The following TJP3 variants were observed in gnomAD, a reference collection of about 807,000 sequenced individuals.
The protein encoded by TJP3 is tight junction protein ZO-3.
A neutral mutation model predicts 104.2 loss-of-function variants in TJP3; 85 were observed. The observed-to-expected ratio is 0.82, with a 90% CI of 0.68 to 0.98. The LOEUF (loss-of-function observed/expected upper bound fraction) is 0.98. Among genes scored for constraint, TJP3 ranks in the 50% least tolerant of loss-of-function variants. The probability of loss-of-function intolerance (pLI) is 0.00; values close to 1 mark genes in which losing one functional copy is unlikely to be tolerated. For synonymous variants in TJP3, 550 were observed against 550.6 expected, an observed-to-expected ratio of 1.00 and a Z score of 0.02; for missense variants, 1,367 against 1,322.8, an observed-to-expected ratio of 1.03 and a Z score of -0.52.
At chr19:3,745,131 G>GTTTTTTTT (rs2036869010) in intron 15 of TJP3, among the ~76,000 whole-genome samples, 1 of 80,320 alleles carries the variant, frequency 1.2e-5, no homozygotes, top group African/African-American at 4.9e-5. Flanking sequence ...CAAATTTTAT[G>GTTTTTTTT]TCTTTTTTTT....
At chr19:3,722,975 G>T (rs1170209171) in intron 1 of TJP3, among the ~76,000 whole-genome samples, 1 of 149,418 alleles carries the variant, frequency 6.7e-6, no homozygotes, top group African/African-American at 2.5e-5. Flanking sequence ...GTCCAGCCCT[G>T]GGCGGGGGGC....
In TJP3 at chr19:3,735,922, A is replaced by T; in HGVS notation, c.1114A>T (p.Met372Leu). Residue 372 changes from methionine (M) to leucine (L), a missense_variant, in exon 10 of 21, where the codon ATG becomes TTG. By Grantham distance (15) the Met-to-Leu change is conservative (BLOSUM62 2). Coordinates refer to ENST00000541714, the MANE Select transcript of TJP3 (RefSeq NM_001267560.2). Reference sequence around the variant, plus strand: ...CTACAGAGTGCCCAGCAGTCAGAGCATGGAGGATCGTGGGTATGTACCCCA... The same window carrying T: ...CTACAGAGTGCCCAGCAGTCAGAGCTTGGAGGATCGTGGGTATGTACCCCA... ...DIYRVPSSQS[M>L]EDRGYSPDTR... 6.2e-7 allele frequency: 1 copy of T among 1,614,186 alleles called. No homozygotes were observed. Among genetic ancestry groups the T allele is most frequent in the South Asian group, 1.1e-5 (1 of 91,086 alleles).
At chr19:3,714,934 A>T (rs1316042902) in intron 1 of TJP3, among the ~76,000 whole-genome samples, 1 of 152,198 alleles carries the variant, frequency 6.6e-6, no homozygotes, top group Non-Finnish European at 1.5e-5. Flanking sequence ...AGTTTTGTTG[A>T]CTGAGTGACT....
chr19:3,719,691 G>A (rs549927175), intron 1 of TJP3, among the ~76,000 whole-genome samples: 2 of 147,300 alleles, frequency 1.4e-5, no homozygotes, highest in African/African-American at 2.5e-5. Context: ...AGCCGAGATC[G>A]TGCCTGCAGT....
chr19:3,711,898 C>T (rs2036437898), intron 1 of TJP3, among the ~76,000 whole-genome samples: 1 of 152,024 alleles, frequency 6.6e-6, no homozygotes, highest in Non-Finnish European at 1.5e-5. Flanking sequence ...GTTGGCCGGC[C>T]TGGTCTCGAG....
chr19:3,742,961 T>C (rs1420780012), intron 14 of TJP3, among the ~76,000 whole-genome samples: 1 of 140,566 alleles, frequency 7.1e-6, no homozygotes, highest in Admixed American at 7.2e-5. Context: ...AGCAAGACTC[T>C]GTCTCAAAAA....
intron 1 of TJP3, among the ~76,000 whole-genome samples, chr19:3,709,572 T>C (rs576588536): frequency 3.3e-5 from 5 of 152,216 alleles, no homozygotes; most frequent in East Asian, 1.9e-4. Flanking sequence ...AAGTGTCCGA[T>C]TGCATCTCAA....
rs1246542008 is a variant in TJP3 at position 3,748,093 on chromosome 19, A to C, written c.2610+12A>C. ...ATCAGGGGGCCCAGGTGCGTCGGACATGGGGGGCAGGCCTGGGAAGGGTCT... is the reference window on the plus strand; with the variant it reads ...ATCAGGGGGCCCAGGTGCGTCGGACCTGGGGGGCAGGCCTGGGAAGGGTCT... On this transcript the variant is annotated intron_variant, in intron 19 of 20. Transcript: ENST00000541714. 3 of 1,542,736 alleles carry C rather than the reference A, an allele frequency of 1.9e-6. No homozygotes were observed. Among genetic ancestry groups the C allele is most frequent in the Non-Finnish European group, 2.6e-6 (3 of 1,141,848 alleles).
Position 3,735,570 on chromosome 19 carries a change from A to C in TJP3, c.991A>C (p.Ser331Arg). 1 of 1,614,114 alleles carries C rather than the reference A, an allele frequency of 6.2e-7. No individual in the cohort carries two copies. Among genetic ancestry groups the C allele is most frequent in the Middle Eastern group, 1.6e-4 (1 of 6,062 alleles). The change falls in exon 9 of 21, where the codon AGT becomes CGT. Residue 331 changes from serine (S) to arginine (R), a missense_variant. Physicochemically the swap from Ser to Arg is moderately radical, Grantham distance 110. Coordinates refer to ENST00000541714, the MANE Select transcript of TJP3 (RefSeq NM_001267560.2). ...TCCCAATCTGTTCCCCACCAGGGAG[A>C]GTCCCCGGCTTCGGCGGGAAAGTTC... ...EASQTDSPVE[S>R]PRLRRESSVD... is the part of the protein sequence containing the mutation.
intron 1 of TJP3, among the ~76,000 whole-genome samples, chr19:3,725,537 C>T (rs540010442): frequency 6.6e-6 from 1 of 152,032 alleles, no homozygotes; most frequent in African/African-American, 2.4e-5. Flanking sequence ...ACTAAAAATA[C>T]AAAAAGTAGC....
At chr19:3,728,743 G>C in intron 3 of TJP3, 30 bp downstream of exon 3, 1 of 1,608,744 alleles carries the variant, frequency 6.2e-7, no homozygotes, top group Non-Finnish European at 8.5e-7. Flanking sequence ...GGTTCTGGCG[G>C]GGGAGGGCAC....
At chr19:3,739,373 C>G (rs985271485) in intron 13 of TJP3, among the ~76,000 whole-genome samples, 1 of 152,168 alleles carries the variant, frequency 6.6e-6, no homozygotes, top group African/African-American at 2.4e-5. Flanking sequence ...GCCTATAATC[C>G]CAGCTTCTTG....
Position 3,747,838 on chromosome 19 carries a change from C to T in TJP3, c.2367C>T (p.Gly789=). The change falls in exon 19 of 21, where the codon GGC becomes GGT. Residue 789 remains glycine, a synonymous_variant. Transcript: ENST00000541714. ...LEDNLDLPHH[G]LADSSADLSC... ...ACAACCTAGACCTCCCTCACCACGGCCTGGCCGACAGCTCCGCTGACCTCA... is the reference window on the plus strand; with the variant it reads ...ACAACCTAGACCTCCCTCACCACGGTCTGGCCGACAGCTCCGCTGACCTCA... 6.2e-7 allele frequency: 1 copy of T among 1,609,292 alleles called. No homozygotes were observed. The highest frequency in any genetic ancestry group is 8.5e-7 in the Non-Finnish European group (1 of 1,179,368).
chr19:3,739,473 A>G (rs613451), intron 13 of TJP3, among the ~76,000 whole-genome samples: 55,842 of 152,012 alleles, frequency 0.37, 10,533 homozygotes, highest in African/African-American at 0.42. Context: ...CTGGCAACAG[A>G]GTGAGACTCT....
chr19:3,718,398 A>C (rs999357566), intron 1 of TJP3, among the ~76,000 whole-genome samples: 5 of 150,464 alleles, frequency 3.3e-5, no homozygotes, highest in Non-Finnish European at 7.4e-5. Context: ...TCTTATTTTA[A>C]AGACGCTGAA....
At chr19:3,727,081 T>C (rs1178692434) in intron 1 of TJP3, among the ~76,000 whole-genome samples, 1 of 141,718 alleles carries the variant, frequency 7.1e-6, no homozygotes, top group African/African-American at 2.6e-5. Context: ...AGACCCTGTC[T>C]AAAAAAAAAA....
intron 11 of TJP3, among the ~76,000 whole-genome samples, chr19:3,737,576 A>G (rs2036753390): frequency 6.6e-6 from 1 of 151,334 alleles, no homozygotes; most frequent in South Asian, 2.1e-4. Context: ...TCTCATCCCC[A>G]GGCTGTCTCC....
At chr19:3,750,064 T>G (rs1214370931) in intron 19 of TJP3, 74 bp from the exon 20 acceptor site, 8 of 1,592,552 alleles carry the variant, frequency 5.0e-6, no homozygotes, top group African/African-American at 1.3e-5. Context: ...GGGGATGGGA[T>G]GGAGGTGGTT....
chr19:3,742,473 A>G (rs965576697), intron 14 of TJP3, among the ~76,000 whole-genome samples: 8 of 151,196 alleles, frequency 5.3e-5, no homozygotes, highest in Non-Finnish European at 1.2e-4. Flanking sequence ...GAAGAGATTA[A>G]GCTCTTATCA....
Sources: allele counts gnomAD v4.1 joint callset (sites outside exome capture counted in the v4.1 genomes callset), GRCh38; gene constraint gnomAD v4.1.1; transcripts MANE v1.5; gene names NCBI Gene and HGNC (gene_info 2026-07-23, HGNC 2026-07-21).